The following MYO10 variants were observed in gnomAD, a reference collection of about 807,000 sequenced individuals.
MYO10 encodes the protein unconventional myosin-X.
Under a neutral mutation model 257.3 loss-of-function variants are expected in MYO10, and 133 were observed. The observed-to-expected ratio is 0.52, with a 90% CI of 0.45 to 0.60. The LOEUF is 0.60. Among genes scored for constraint, MYO10 ranks in the 20% least tolerant of loss-of-function variants. MYO10 has a pLI of 0.00. For missense variants in MYO10, 2,399 were observed against 2,635.7 expected, an observed-to-expected ratio of 0.91 and a Z score of 1.97; for synonymous variants, 1,104 against 1,028.6, an observed-to-expected ratio of 1.07 and a Z score of -1.40.
chr5:16,877,419 A>G lies in MYO10; in HGVS notation c.120+190T>C, dbSNP rs555238390. On this transcript the variant is annotated intron_variant, in intron 2 of 40. Coordinates refer to ENST00000513610, the MANE Select transcript of MYO10 (RefSeq NM_012334.3). Reference sequence around the variant, plus strand: ...TGGAATATTTGCTGTGTTCCATTTGAGAGAACTGTATTGTATCTATTACAC... The same window carrying G: ...TGGAATATTTGCTGTGTTCCATTTGGGAGAACTGTATTGTATCTATTACAC... 2.0e-5 allele frequency among the ~76,000 whole-genome samples: 3 copies of G among 152,322 alleles called. 1 individual carries two copies. In the South Asian group the frequency reaches 6.2e-4, roughly 32 times the overall value.
At chr5:16,734,163 G>A (rs1345205156) in intron 19 of MYO10, among the ~76,000 whole-genome samples, 2 of 151,718 alleles carry the variant, frequency 1.3e-5, no homozygotes, top group Non-Finnish European at 2.9e-5. Flanking sequence ...AATCCAAGAA[G>A]CAGCAGACAG....
chr5:16,817,173 C>T (rs1742649495), intron 3 of MYO10, among the ~76,000 whole-genome samples: 1 of 151,994 alleles, frequency 6.6e-6, no homozygotes. Context: ...AAATGTAACT[C>T]CTAAAGAATA....
intron 21 of MYO10, among the ~76,000 whole-genome samples, chr5:16,709,401 A>G (rs530004082): frequency 3.4e-4 from 52 of 152,266 alleles, no homozygotes; most frequent in Non-Finnish European, 6.8e-4. Flanking sequence ...GACTGCAGCA[A>G]AGGTGACGGG....
chr5:16,842,596 C>T (rs1027352041), intron 2 of MYO10, among the ~76,000 whole-genome samples: 4 of 152,290 alleles, frequency 2.6e-5, no homozygotes, highest in Middle Eastern at 3.4e-3. Flanking sequence ...CCCTCGCTCA[C>T]AAAGCTGCTG....
At chr5:16,680,346 T>G (rs1355858324) in intron 32 of MYO10, among the ~76,000 whole-genome samples, 1 of 152,134 alleles carries the variant, frequency 6.6e-6, no homozygotes, top group Non-Finnish European at 1.5e-5. Flanking sequence ...AATAAACCCA[T>G]CATTAAATAT....
chr5:16,776,108 G>A (rs1741203262), intron 9 of MYO10, among the ~76,000 whole-genome samples: 1 of 151,290 alleles, frequency 6.6e-6, no homozygotes, highest in Non-Finnish European at 1.5e-5. Context: ...TGTTGCCCAG[G>A]CTGGTCTTGA....
intron 19 of MYO10, among the ~76,000 whole-genome samples, chr5:16,728,380 G>A (rs1579917290): frequency 6.6e-6 from 1 of 152,070 alleles, no homozygotes; most frequent in Non-Finnish European, 1.5e-5. Context: ...CCAACTCCTT[G>A]GGGATGAGGT....
At position 16,833,474 on chromosome 5, in the gene MYO10, A is replaced by T. The variant is rs570212918; in HGVS notation, c.121-15307T>A. Among the ~76,000 whole-genome samples, 21 of 152,246 alleles carry T rather than the reference A, an allele frequency of 1.4e-4. 1 individual carries two copies. The South Asian group carries it at 3.9e-3, about 29-fold the overall frequency. ...TGATTTGCCCACCTCAGCCTCCCAAAGTGCTGGGATTATAGGTGTGAGCCA... is the reference window on the plus strand; with the variant it reads ...TGATTTGCCCACCTCAGCCTCCCAATGTGCTGGGATTATAGGTGTGAGCCA... On this transcript the variant is annotated intron_variant, in intron 2 of 40. Coordinates refer to ENST00000513610, the MANE Select transcript of MYO10 (RefSeq NM_012334.3).
rs538935425 is a variant in MYO10, at chr5:16,763,065, T to C, written c.1494+416A>G. ...AAATGAGTGGTTAAAAGAAAAGGCA[T>C]GGTAATTTCTCGATTGGAAAATCCA... On this transcript the variant is annotated intron_variant, in intron 14 of 40. Coordinates refer to ENST00000513610, the MANE Select transcript of MYO10 (RefSeq NM_012334.3). Among the ~76,000 whole-genome samples the C allele has an allele frequency of 1.9e-4, 29 of 152,000 alleles. No homozygotes were observed. In the Middle Eastern group the frequency reaches 0.014, roughly 71 times the overall value.
chr5:16,902,490 C>T, intron 1 of MYO10: 2 of 1,545,684 alleles, frequency 1.3e-6, no homozygotes, highest in Admixed American at 1.7e-5. Context: ...AGACATGTCC[C>T]TGACTGCTGC....
chr5:16,855,550 C>A (rs553988017), intron 2 of MYO10, among the ~76,000 whole-genome samples: 1 of 152,298 alleles, frequency 6.6e-6, no homozygotes, highest in South Asian at 2.1e-4. Flanking sequence ...ATTTTAATCT[C>A]CCTGGTTTAT....
At chr5:16,900,960 A>G (rs113271282) in intron 1 of MYO10, among the ~76,000 whole-genome samples, 33,824 of 151,924 alleles carry the variant, frequency 0.22, 4,948 homozygotes, top group African/African-American at 0.4. Flanking sequence ...GGCTGGTCTC[A>G]AACTCCTGAC....
At chr5:16,872,009 A>G (rs1356634402) in intron 2 of MYO10, among the ~76,000 whole-genome samples, 1 of 152,208 alleles carries the variant, frequency 6.6e-6, no homozygotes, top group Admixed American at 6.5e-5. Context: ...ATCATAGTTC[A>G]GTTCCTTCCA....
chr5:16,872,246 C>A (rs1744473585), intron 2 of MYO10, among the ~76,000 whole-genome samples: 1 of 152,166 alleles, frequency 6.6e-6, no homozygotes. Context: ...TAAAAAGTAT[C>A]TTGAGAGCCT....
Position 16,662,613 on chromosome 5 carries a change from T to C in MYO10, c.*4079A>G, listed in dbSNP as rs1479730365. On this transcript the variant is annotated 3_prime_UTR_variant, in exon 41 of 41. Coordinates refer to ENST00000513610, the MANE Select transcript of MYO10 (RefSeq NM_012334.3). The stretch of plus-strand genomic sequence containing the variant: ...CTGGGATTACAGGCGTGAGCCAGCA[T>C]GCCTGGCTGAAACTATTTTTACAGA... 1 of 152,090 alleles carries C rather than the reference T, an allele frequency of 6.6e-6. No homozygotes were observed. The highest frequency in any genetic ancestry group is 1.5e-5 in the Non-Finnish European group (1 of 68,044). The allele number at this position is 152,090 out of a possible 1,614,324, so 9.4% of individuals were successfully genotyped here.
intron 1 of MYO10, among the ~76,000 whole-genome samples, chr5:16,915,279 C>CAT (rs1396211475): frequency 2.3e-4 from 35 of 152,288 alleles, no homozygotes; most frequent in African/African-American, 8.4e-4. Flanking sequence ...TTCATCTCTA[C>CAT]ATGAGATTAA....
At chr5:16,706,238 CTCATATATATACACAT>C (rs1214069501) in intron 21 of MYO10, among the ~76,000 whole-genome samples, 4 of 151,676 alleles carry the variant, frequency 2.6e-5, no homozygotes, top group African/African-American at 9.7e-5. Context: ...TATATACACA[CTCATATATATACACAT>C]ATACTCATAT....
At chr5:16,748,244 C>G (rs10057142) in intron 19 of MYO10, among the ~76,000 whole-genome samples, 2 of 151,524 alleles carry the variant, frequency 1.3e-5, no homozygotes, top group African/African-American at 4.9e-5. Flanking sequence ...TACTTTTTGT[C>G]TTTTTGAAGT....
At chr5:16,871,063 G>A (rs926955261) in intron 2 of MYO10, among the ~76,000 whole-genome samples, 2 of 152,138 alleles carry the variant, frequency 1.3e-5, no homozygotes, top group African/African-American at 4.8e-5. Flanking sequence ...ATGTTTTAGT[G>A]CACAGTCTAG....
Sources: gnomAD v4.1 joint callset for allele counts (sites outside exome capture counted in the v4.1 genomes callset) on GRCh38, gnomAD v4.1.1 for gene constraint, MANE v1.5 for transcripts, NCBI Gene and HGNC (gene_info 2026-07-23, HGNC 2026-07-21) for gene names.